Variants in OPCML observed in about 807,000 individuals in gnomAD.
OPCML encodes the protein opioid binding protein/cell adhesion molecule like.
OPCML carries 13 observed loss-of-function variants against 37.8 expected under a neutral mutation model. The ratio of observed to expected loss-of-function variants is 0.34; its 90% CI spans 0.22 to 0.55. The LOEUF is 0.55. OPCML is among the 20% of genes least tolerant of loss of function. The pLI is 0.91. For missense variants in OPCML, 341 were observed against 435.6 expected, an observed-to-expected ratio of 0.78 and a Z score of 1.93; for synonymous variants, 176 against 168.8, an observed-to-expected ratio of 1.04 and a Z score of -0.33.
chr11:133,049,822 C>T (rs1287277391), intron 1 of OPCML, among the ~76,000 whole-genome samples: 1 of 152,224 alleles, frequency 6.6e-6, no homozygotes, highest in Non-Finnish European at 1.5e-5. Context: ...CCAGAATCCA[C>T]ATTCTAGTGT....
At chr11:132,620,638 A>G (rs557463071) in intron 3 of OPCML, among the ~76,000 whole-genome samples, 2 of 152,336 alleles carry the variant, frequency 1.3e-5, no homozygotes, top group African/African-American at 2.4e-5. Context: ...GTTTCTGCTC[A>G]GCCATGCAGG....
At chr11:132,672,884 A>T (rs769824873) in intron 2 of OPCML, among the ~76,000 whole-genome samples, 1 of 152,116 alleles carries the variant, frequency 6.6e-6, no homozygotes, top group Non-Finnish European at 1.5e-5. Context: ...TGTTTTGAAA[A>T]CCATCACTGA....
intron 2 of OPCML, among the ~76,000 whole-genome samples, chr11:132,734,222 G>A (rs1458074482): frequency 6.6e-6 from 1 of 152,126 alleles, no homozygotes; most frequent in Non-Finnish European, 1.5e-5. Context: ...GCCCCCAGAT[G>A]CCTCCCTTAT....
intron 3 of OPCML, among the ~76,000 whole-genome samples, chr11:132,651,022 C>T (rs1941402442): frequency 6.6e-6 from 1 of 152,278 alleles, no homozygotes; most frequent in South Asian, 2.1e-4. Flanking sequence ...AAAATTGTGA[C>T]CTATGGCTCT....
intron 1 of OPCML, among the ~76,000 whole-genome samples, chr11:133,305,114 C>G (rs1429054692): frequency 6.6e-6 from 1 of 152,136 alleles, no homozygotes; most frequent in Non-Finnish European, 1.5e-5. Context: ...ATCTCTTTCT[C>G]CTATTCCTAT....
In OPCML at chr11:133,244,672, G is replaced by A. The variant is rs117612829; in HGVS notation, c.61+287592C>T. Among the ~76,000 whole-genome samples, 995 of 144,738 alleles carry A rather than the reference G, an allele frequency of 6.9e-3. 1 individual carries two copies. The highest frequency in any genetic ancestry group is 0.011 in the Admixed American group (161 of 14,250). The allele number at this position is 144,738 out of a possible 152,430, so 95.0% of individuals were successfully genotyped here. A position where few individuals can be genotyped will look rare whatever the true frequency, so the allele number is the denominator to read the frequency against. On this transcript the variant is annotated intron_variant, in intron 1 of 7. Coordinates refer to ENST00000524381, the MANE Select transcript of OPCML (RefSeq NM_001012393.5). ...TCTCGTGAGATCTGACAATTTAAAT[G>A]TGTGTGGAACTTCCCCCTTTGCTCA...
chr11:132,995,868 A>C (rs1298395044), intron 1 of OPCML, among the ~76,000 whole-genome samples: 2 of 152,230 alleles, frequency 1.3e-5, no homozygotes, highest in Admixed American at 1.3e-4. Context: ...TGAAAGAAGC[A>C]GCTAACTCTG....
At position 132,794,102 on chromosome 11, in the gene OPCML, T is replaced by C. The variant is rs140996398; in HGVS notation, c.147-136783A>G. ...TTGAAATCCTCCTACCTCCACCGTGTTGTTTCCAACCGCGTGCCCTTGTTA... is the reference window on the plus strand; with the variant it reads ...TTGAAATCCTCCTACCTCCACCGTGCTGTTTCCAACCGCGTGCCCTTGTTA... On this transcript the variant is annotated intron_variant, in intron 2 of 7. Transcript: ENST00000524381. 4.2e-3 allele frequency among the ~76,000 whole-genome samples: 645 copies of C among 152,336 alleles called. 4 individuals carry two copies. The highest frequency in any genetic ancestry group is 0.013 in the African/African-American group (556 of 41,586).
rs10541354 is a variant in OPCML, at chr11:133,028,524, CGTGTGTGTGT to C, written c.62-85524_62-85515del. On this transcript the variant is annotated intron_variant, in intron 1 of 7. Coordinates refer to ENST00000524381, the MANE Select transcript of OPCML (RefSeq NM_001012393.5). ...AAGGTTTCAGTTGTTTGATAAGGAG[CGTGTGTGTGT>C]GTGTGTGTGTGTGTGTGTGTACATG... Among the ~76,000 whole-genome samples the C allele has an allele frequency of 3.1e-3, 455 of 147,222 alleles. 2 individuals are homozygous for C. Among genetic ancestry groups the C allele is most frequent in the African/African-American group, 0.011 (432 of 40,268 alleles).
chr11:132,880,264 G>A (rs1488080890), intron 2 of OPCML, among the ~76,000 whole-genome samples: 3 of 151,960 alleles, frequency 2.0e-5, no homozygotes, highest in Non-Finnish European at 4.4e-5. Context: ...ACTCACAAAC[G>A]TCTGCCATGC....
chr11:133,186,694 G>A (rs1054253705), intron 1 of OPCML, among the ~76,000 whole-genome samples: 2 of 152,162 alleles, frequency 1.3e-5, no homozygotes, highest in Non-Finnish European at 1.5e-5. Flanking sequence ...ATAGGTTTGG[G>A]TTACATCCAC....
chr11:133,414,258 G>GTA lies in OPCML; in HGVS notation c.61+118004_61+118005dup, dbSNP rs576673270. On this transcript the variant is annotated intron_variant, in intron 1 of 7. Transcript: ENST00000524381. ...CATGGAACTTCTTACCCTAAAACAT[G>GTA]TATATACGTGGTTTTCATCCTTGGC... Among the ~76,000 whole-genome samples the GTA allele has an allele frequency of 2.2e-3, 336 of 152,150 alleles. 2 individuals carry two copies. The highest frequency in any genetic ancestry group is 3.9e-3 in the South Asian group (19 of 4,812).
At chr11:132,641,593 T>C (rs1021308254) in intron 3 of OPCML, among the ~76,000 whole-genome samples, 3 of 152,202 alleles carry the variant, frequency 2.0e-5, no homozygotes, top group African/African-American at 7.2e-5. Context: ...TAAAACATTT[T>C]CAAACCACTG....
chr11:132,782,031 C>T (rs1033332942), intron 2 of OPCML, among the ~76,000 whole-genome samples: 1 of 146,788 alleles, frequency 6.8e-6, no homozygotes, highest in Non-Finnish European at 1.5e-5. Context: ...TCAGAGAGGG[C>T]TGCCACATCT....
At chr11:132,929,181 G>A (rs1043630732) in intron 2 of OPCML, among the ~76,000 whole-genome samples, 5 of 151,506 alleles carry the variant, frequency 3.3e-5, no homozygotes, top group Non-Finnish European at 7.4e-5. Context: ...TCCTTAAAAT[G>A]ATAACAAAAT....
chr11:133,130,049 G>T (rs978339809), intron 1 of OPCML, among the ~76,000 whole-genome samples: 1 of 151,898 alleles, frequency 6.6e-6, no homozygotes, highest in Admixed American at 6.6e-5. Flanking sequence ...TACTAAAACA[G>T]TTATTATAAC....
intron 1 of OPCML, among the ~76,000 whole-genome samples, chr11:133,078,375 C>T (rs893855525): frequency 1.3e-5 from 2 of 152,148 alleles, no homozygotes; most frequent in African/African-American, 2.4e-5. Flanking sequence ...CACACAAACA[C>T]GGCAACACGA....
chr11:132,443,118 G>A (rs560129746), intron 4 of OPCML, among the ~76,000 whole-genome samples: 27 of 152,296 alleles, frequency 1.8e-4, no homozygotes, highest in Admixed American at 1.4e-3. Flanking sequence ...CAGAAGCTGC[G>A]CTGAGATAAA....
At chr11:132,686,698 T>A (rs530458894) in intron 2 of OPCML, among the ~76,000 whole-genome samples, 2 of 152,348 alleles carry the variant, frequency 1.3e-5, no homozygotes, top group African/African-American at 4.8e-5. Context: ...TTCCTTAAGC[T>A]GTCCATTGAC....
Sources: allele counts gnomAD v4.1 joint callset (sites outside exome capture counted in the v4.1 genomes callset), GRCh38; gene constraint gnomAD v4.1.1; transcripts MANE v1.5; gene names NCBI Gene and HGNC (gene_info 2026-07-23, HGNC 2026-07-21).